Variants in TMEM135 observed in about 807,000 individuals in gnomAD.
TMEM135 encodes the protein transmembrane protein 135.
In TMEM135, 30 loss-of-function variants were observed where a neutral mutation model predicts 60.3. The observed-to-expected ratio is 0.50, with a 90% confidence interval of 0.37 to 0.68. The LOEUF (loss-of-function observed/expected upper bound fraction) is 0.68, where lower values mean the gene tolerates loss of function less well. TMEM135 is among the 30% of genes least tolerant of loss of function. The pLI is 0.00. For missense variants in TMEM135, 468 were observed against 548.8 expected (o/e 0.85, Z 1.47); for synonymous variants, 190 against 186.7 (o/e 1.02, Z -0.14).
At chr11:87,238,790 A>G (rs1012644806) in intron 6 of TMEM135, among the ~76,000 whole-genome samples, 33 of 152,054 alleles carry the variant, frequency 2.2e-4, no homozygotes, top group Non-Finnish European at 4.0e-4. Flanking sequence ...GGAAAATGCA[A>G]TCGTAAAAAG....
chr11:87,269,551 T>G (rs1390445873), intron 6 of TMEM135, among the ~76,000 whole-genome samples: 3 of 151,648 alleles, frequency 2.0e-5, no homozygotes, highest in African/African-American at 4.8e-5. Flanking sequence ...TGTGTCCATG[T>G]GTTCTCATTG....
At chr11:87,298,134 G>T (rs963874569) in intron 7 of TMEM135, among the ~76,000 whole-genome samples, 2 of 152,142 alleles carry the variant, frequency 1.3e-5, no homozygotes, top group Non-Finnish European at 2.9e-5. Context: ...TATTGTAGAC[G>T]TATGCTGTAA....
At chr11:87,196,038 C>G (rs763641659) in intron 5 of TMEM135, among the ~76,000 whole-genome samples, 8 of 151,420 alleles carry the variant, frequency 5.3e-5, no homozygotes, top group East Asian at 2.0e-4. Flanking sequence ...CTGTGCGAGA[C>G]TATTTTATGG....
At chr11:87,222,845 T>TTA in intron 5 of TMEM135, among the ~76,000 whole-genome samples, 1 of 152,058 alleles carries the variant, frequency 6.6e-6, no homozygotes, top group South Asian at 2.1e-4. Context: ...TCACTGTTGA[T>TTA]TATTGTTATA....
In TMEM135 at chr11:87,061,801, T is replaced by G. The variant is rs556616864; in HGVS notation, c.142-5893T>G. Among the ~76,000 whole-genome samples the G allele has an allele frequency of 8.1e-4, 124 of 152,298 alleles. 1 individual carries two copies. Among genetic ancestry groups the G allele is most frequent in the Non-Finnish European group, 2.9e-4 (20 of 68,028 alleles). Reference sequence around the variant, plus strand: ...AACAAGAGAATGTATATAGTGCTGATGGATGTTTAATAGTGATAATCTTAT... The same window carrying G: ...AACAAGAGAATGTATATAGTGCTGAGGGATGTTTAATAGTGATAATCTTAT... On this transcript the variant is annotated intron_variant, in intron 1 of 14. Transcript: ENST00000305494.
Position 87,238,905 on chromosome 11 carries a change from T to C in TMEM135, c.509+2221T>C, listed in dbSNP as rs188493569. 2.3e-3 allele frequency among the ~76,000 whole-genome samples: 353 copies of C among 152,180 alleles called. 1 individual carries two copies. Among genetic ancestry groups the C allele is most frequent in the Admixed American group, 0.018 (280 of 15,256 alleles). On this transcript the variant is annotated intron_variant, in intron 6 of 14. Coordinates refer to ENST00000305494, the MANE Select transcript of TMEM135 (RefSeq NM_022918.4). ...TTCCTAACAGAACAGGTATTTAAAA[T>C]CTTTCCCATTGTGGCACTTAAAGAC...
intron 6 of TMEM135, among the ~76,000 whole-genome samples, chr11:87,263,917 G>A (rs1055598307): frequency 6.6e-6 from 1 of 151,900 alleles, no homozygotes; most frequent in South Asian, 2.1e-4. Context: ...TATTATTTTT[G>A]TACTCGTAAA....
chr11:87,299,517 C>G (rs1448930188), intron 7 of TMEM135, among the ~76,000 whole-genome samples: 1 of 152,178 alleles, frequency 6.6e-6, no homozygotes, highest in Non-Finnish European at 1.5e-5. Flanking sequence ...AACACAGAGC[C>G]AAACCATATC....
chr11:87,160,542 A>G (rs1938843548), intron 5 of TMEM135, among the ~76,000 whole-genome samples: 1 of 152,320 alleles, frequency 6.6e-6, no homozygotes, highest in South Asian at 2.1e-4. Flanking sequence ...CATTGATTCT[A>G]CTATGCAATA....
chr11:87,292,924 T>C (rs918949877), intron 6 of TMEM135, among the ~76,000 whole-genome samples: 12 of 152,236 alleles, frequency 7.9e-5, no homozygotes, highest in African/African-American at 2.9e-4. Flanking sequence ...ATTTATTGTT[T>C]AAGGTCACAA....
intron 2 of TMEM135, among the ~76,000 whole-genome samples, chr11:87,071,273 T>A (rs1342669985): frequency 6.6e-6 from 1 of 152,150 alleles, no homozygotes; most frequent in African/African-American, 2.4e-5. Flanking sequence ...GGAAACAAAG[T>A]TGAGGATGAC....
intron 4 of TMEM135, among the ~76,000 whole-genome samples, chr11:87,156,336 T>G (rs1176107348): frequency 6.6e-6 from 1 of 152,170 alleles, no homozygotes; most frequent in African/African-American, 2.4e-5. Context: ...TTGTTTTGTT[T>G]ATTTGGGGTC....
intron 5 of TMEM135, among the ~76,000 whole-genome samples, chr11:87,230,600 A>G (rs1446325406): frequency 1.3e-5 from 2 of 152,150 alleles, no homozygotes; most frequent in Non-Finnish European, 2.9e-5. Context: ...CAATTTACAC[A>G]TGAAAGTGTA....
chr11:87,294,635 G>A (rs956599792), intron 6 of TMEM135, among the ~76,000 whole-genome samples: 2 of 152,108 alleles, frequency 1.3e-5, no homozygotes, highest in African/African-American at 4.8e-5. Context: ...CGCCGGCCTC[G>A]GCCTCCCAAA....
In TMEM135 at chr11:87,302,336, T is replaced by G; in HGVS notation, c.592T>G (p.Ser198Ala). The G allele has an allele frequency of 6.2e-7, 1 of 1,613,862 alleles. No individual in the cohort carries two copies. The highest frequency in any genetic ancestry group is 1.7e-4 in the Middle Eastern group (1 of 6,056). The change falls in exon 8 of 15, where the codon TCA (serine) becomes GCA (alanine). Residue 198 changes from serine to alanine, a missense_variant. By Grantham distance (99) the Ser-to-Ala change is moderately conservative (BLOSUM62 1). Coordinates refer to ENST00000305494, the MANE Select transcript of TMEM135 (RefSeq NM_022918.4). Reference sequence around the variant, plus strand: ...GGAAGAAATTCCCACACATTCTTTTTCACCAGAGGCAGCATATGCAAAAGT... The same window carrying G: ...GGAAGAAATTCCCACACATTCTTTTGCACCAGAGGCAGCATATGCAAAAGT... ...GKEEIPTHSFSPEAAYAKVEQ... is the reference protein window; with the variant it reads ...GKEEIPTHSFAPEAAYAKVEQ...
intron 5 of TMEM135, among the ~76,000 whole-genome samples, chr11:87,192,421 A>G (rs2511095): frequency 0.53 from 79,999 of 151,894 alleles, 22,271 homozygotes; most frequent in East Asian, 0.73. Flanking sequence ...GTAAGTCAAT[A>G]GGAATAAAAT....
chr11:87,274,968 G>C, intron 6 of TMEM135, among the ~76,000 whole-genome samples: 1 of 151,196 alleles, frequency 6.6e-6, no homozygotes, highest in Non-Finnish European at 1.5e-5. Flanking sequence ...GACATCTTTT[G>C]TATTTCTAGA....
intron 10 of TMEM135, among the ~76,000 whole-genome samples, 194 bp from the exon 11 acceptor site, chr11:87,313,231 G>A (rs1479898467): frequency 1.3e-5 from 2 of 151,718 alleles, no homozygotes; most frequent in Admixed American, 1.3e-4. Context: ...TCTTAATAGA[G>A]TCTATAGAGT....
At position 87,226,658 on chromosome 11, in the gene TMEM135, C is replaced by T. The variant is rs1940770192; in HGVS notation, c.463-9980C>T. Among the ~76,000 whole-genome samples the T allele has an allele frequency of 2.6e-5, 4 of 152,174 alleles. No individual in the cohort carries two copies. The East Asian group carries it at 7.7e-4, about 29-fold the overall frequency. On this transcript the variant is annotated intron_variant, in intron 5 of 14. Transcript: ENST00000305494. ...ACAGGATAGCATATAGGCTGTACTT[C>T]ACCCAGCCACTCTAACATATCTGCT... is the stretch of plus-strand genomic sequence containing the variant.
Sources: allele counts gnomAD v4.1 joint callset (sites outside exome capture counted in the v4.1 genomes callset), GRCh38; gene constraint gnomAD v4.1.1; transcripts MANE v1.5; gene names NCBI Gene and HGNC (gene_info 2026-07-23, HGNC 2026-07-21).